The following SYT16 variants were observed in gnomAD, a reference collection of about 807,000 sequenced individuals.
SYT16 encodes the protein synaptotagmin 16.
A neutral mutation model predicts 61.4 loss-of-function variants in SYT16; 42 were observed. That is an observed-to-expected ratio of 0.68 (90% CI 0.53 to 0.89). The LOEUF is 0.89. Among genes scored for constraint, SYT16 ranks in the 40% least tolerant of loss-of-function variants. The pLI is 0.00. For synonymous variants in SYT16, 314 were observed against 302.3 expected (o/e 1.04, Z -0.40); for missense variants, 804 against 807.3 (o/e 1.00, Z 0.05).
At chr14:62,026,981 TG>T (rs1428818503) in intron 3 of SYT16, among the ~76,000 whole-genome samples, 6 of 152,208 alleles carry the variant, frequency 3.9e-5, no homozygotes, top group Non-Finnish European at 8.8e-5. Flanking sequence ...ATGTCTTAAA[TG>T]TTTTTTATAC....
chr14:61,895,588 A>G (rs1239530838), intron 1 of SYT16, among the ~76,000 whole-genome samples: 1 of 152,224 alleles, frequency 6.6e-6, no homozygotes, highest in African/African-American at 2.4e-5. Context: ...GCAAATAGAA[A>G]GTACTCAGTG....
intron 1 of SYT16, among the ~76,000 whole-genome samples, chr14:61,816,877 G>A (rs1293199986): frequency 3.3e-5 from 5 of 151,896 alleles, no homozygotes; most frequent in African/African-American, 1.2e-4. Flanking sequence ...CGGGCGTGGT[G>A]GCGGGCGCTT....
intron 2 of SYT16, among the ~76,000 whole-genome samples, chr14:61,990,304 A>G (rs1162799950): frequency 6.6e-6 from 1 of 152,230 alleles, no homozygotes; most frequent in East Asian, 1.9e-4. Context: ...ATAAGAAATA[A>G]CCAACGTTTT....
intron 4 of SYT16, among the ~76,000 whole-genome samples, chr14:62,073,830 T>A (rs1269714733): frequency 6.6e-6 from 1 of 152,228 alleles, no homozygotes; most frequent in Non-Finnish European, 1.5e-5. Context: ...ACCTAGACTT[T>A]AAAGTTCTCT....
intron 3 of SYT16, among the ~76,000 whole-genome samples, chr14:62,011,978 A>G (rs940307082): frequency 7.1e-6 from 1 of 141,740 alleles, no homozygotes; most frequent in Non-Finnish European, 1.5e-5. Flanking sequence ...GCTGATTTAG[A>G]TCATGGCTTT....
intron 1 of SYT16, among the ~76,000 whole-genome samples, chr14:61,949,952 C>G (rs140563807): frequency 9.5e-4 from 144 of 152,242 alleles, no homozygotes; most frequent in Non-Finnish European, 1.8e-3. Context: ...ATAAAAACAC[C>G]ACCTTCTGTG....
At chr14:61,898,683 A>G (rs2048409530) in intron 1 of SYT16, among the ~76,000 whole-genome samples, 1 of 152,072 alleles carries the variant, frequency 6.6e-6, no homozygotes, top group African/African-American at 2.4e-5. Flanking sequence ...TACACTTGAA[A>G]CCTCAAAGGT....
chr14:61,972,060 C>G (rs376528867), intron 2 of SYT16, among the ~76,000 whole-genome samples: 1 of 152,166 alleles, frequency 6.6e-6, no homozygotes, highest in African/African-American at 2.4e-5. Context: ...CTTCAGTTTC[C>G]TTGTTTGCAT....
intron 2 of SYT16, among the ~76,000 whole-genome samples, chr14:61,991,090 G>A (rs925983766): frequency 3.9e-5 from 6 of 151,974 alleles, no homozygotes; most frequent in Non-Finnish European, 7.4e-5. Flanking sequence ...AGTTTATTCT[G>A]AGTACTTCAA....
At chr14:62,078,580 C>A (rs905917912) in intron 5 of SYT16, among the ~76,000 whole-genome samples, 1 of 152,062 alleles carries the variant, frequency 6.6e-6, no homozygotes, top group Non-Finnish European at 1.5e-5. Context: ...AACAAAAGTG[C>A]GAGACAAGGG....
At chr14:61,840,565 T>C (rs1730394662) in intron 1 of SYT16, among the ~76,000 whole-genome samples, 2 of 152,224 alleles carry the variant, frequency 1.3e-5, no homozygotes, top group South Asian at 4.1e-4. Flanking sequence ...TATTTCTCTT[T>C]TCTTTTCTTT....
intron 3 of SYT16, among the ~76,000 whole-genome samples, chr14:62,017,472 C>A (rs2053735645): frequency 6.6e-6 from 1 of 152,206 alleles, no homozygotes; most frequent in East Asian, 1.9e-4. Context: ...GTGTCCAAAT[C>A]TGAATTTCTG....
chr14:61,976,019 G>A (rs1330247745), intron 2 of SYT16, among the ~76,000 whole-genome samples: 1 of 152,216 alleles, frequency 6.6e-6, no homozygotes, highest in African/African-American at 2.4e-5. Context: ...CAGGCATTGG[G>A]TAAATACACC....
At chr14:61,858,501 T>G (rs1490312976) in intron 1 of SYT16, among the ~76,000 whole-genome samples, 1 of 152,162 alleles carries the variant, frequency 6.6e-6, no homozygotes, top group Non-Finnish European at 1.5e-5. Context: ...AGACTATGAC[T>G]ACAACAAATA....
chr14:62,049,158 T>G (rs1317757758), intron 3 of SYT16, among the ~76,000 whole-genome samples: 2 of 152,366 alleles, frequency 1.3e-5, no homozygotes, highest in East Asian at 3.9e-4. Context: ...ATCTGGGTGC[T>G]CCTGTATTGG....
At chr14:61,938,022 C>T in intron 1 of SYT16, among the ~76,000 whole-genome samples, 1 of 144,928 alleles carries the variant, frequency 6.9e-6, no homozygotes. Context: ...ACCTCCTACC[C>T]CGCAACACAC....
intron 3 of SYT16, among the ~76,000 whole-genome samples, chr14:62,044,278 C>T (rs2140861052): frequency 6.6e-6 from 1 of 151,782 alleles, no homozygotes; most frequent in East Asian, 1.9e-4. Flanking sequence ...AGAGGGTTGA[C>T]TTTTCTTTTC....
chr14:62,002,564 G>T (rs2053063125), intron 3 of SYT16, among the ~76,000 whole-genome samples: 1 of 152,052 alleles, frequency 6.6e-6, no homozygotes, highest in Non-Finnish European at 1.5e-5. Context: ...TTAGGCAATT[G>T]CTGTGTTCCT....
chr14:61,834,428 C>CTTTTTTTTTTTTTTTT (rs35260303), intron 1 of SYT16, among the ~76,000 whole-genome samples: 8 of 76,878 alleles, frequency 1.0e-4, no homozygotes, highest in African/African-American at 5.2e-4. Context: ...CCGTGCCTGG[C>CTTTTTTTTTTTTTTTT]TTTTTTTTTT....
Sources: allele counts gnomAD v4.1 joint callset (sites outside exome capture counted in the v4.1 genomes callset), GRCh38; gene constraint gnomAD v4.1.1; transcripts MANE v1.5; gene names NCBI Gene and HGNC (gene_info 2026-07-23, HGNC 2026-07-21).